The following LSAMP variants were observed in gnomAD, a reference collection of about 807,000 sequenced individuals.
The protein encoded by LSAMP is limbic system-associated membrane protein.
LSAMP carries 7 observed loss-of-function variants against 38.6 expected under a neutral mutation model. That is an observed-to-expected ratio of 0.18 (90% CI 0.10 to 0.34). LSAMP has a LOEUF of 0.34. Among genes scored for constraint, LSAMP ranks in the 10% least tolerant of loss-of-function variants. LSAMP has a pLI of 1.00. For synonymous variants in LSAMP, 154 were observed against 166.8 expected (o/e 0.92, Z 0.59); for missense variants, 313 against 420.0 (o/e 0.75, Z 2.23).
At chr3:116,306,421 C>T (rs1424636132) in intron 1 of LSAMP, among the ~76,000 whole-genome samples, 3 of 151,982 alleles carry the variant, frequency 2.0e-5, no homozygotes, top group Non-Finnish European at 4.4e-5. Flanking sequence ...ACATGTAACA[C>T]AATTCTTAGT....
At chr3:115,843,377 A>G (rs1935056816) in intron 4 of LSAMP, among the ~76,000 whole-genome samples, 1 of 152,188 alleles carries the variant, frequency 6.6e-6, no homozygotes, top group African/African-American at 2.4e-5. Context: ...AAACATTCAT[A>G]TGAGGATGGA....
At chr3:115,911,592 C>T (rs1937137290) in intron 3 of LSAMP, among the ~76,000 whole-genome samples, 1 of 152,180 alleles carries the variant, frequency 6.6e-6, no homozygotes, top group Admixed American at 6.5e-5. Context: ...AATCCATCCT[C>T]CTTGACCTCC....
chr3:116,355,118 ATATT>A (rs1361790699), intron 1 of LSAMP, among the ~76,000 whole-genome samples: 1 of 152,122 alleles, frequency 6.6e-6, no homozygotes, highest in Non-Finnish European at 1.5e-5. Context: ...CCATATATAT[ATATT>A]TGTTTTTCAC....
intron 3 of LSAMP, among the ~76,000 whole-genome samples, chr3:116,015,225 A>T (rs1940442348): frequency 1.3e-5 from 2 of 152,156 alleles, no homozygotes; most frequent in Admixed American, 6.6e-5. Flanking sequence ...TTTTTCAGTG[A>T]TAGAAAACTA....
At chr3:116,041,171 G>A (rs948710671) in intron 2 of LSAMP, among the ~76,000 whole-genome samples, 5 of 151,888 alleles carry the variant, frequency 3.3e-5, no homozygotes, top group African/African-American at 1.2e-4. Flanking sequence ...TAATCTTCCT[G>A]CTTCGGCCTC....
intron 1 of LSAMP, among the ~76,000 whole-genome samples, chr3:116,268,994 C>G (rs1378959419): frequency 6.6e-6 from 1 of 152,016 alleles, no homozygotes; most frequent in Middle Eastern, 3.2e-3. Flanking sequence ...GTAATTATTT[C>G]TCTGGCAGGG....
chr3:115,991,254 A>G (rs1939657924), intron 3 of LSAMP, among the ~76,000 whole-genome samples: 1 of 152,126 alleles, frequency 6.6e-6, no homozygotes, highest in African/African-American at 2.4e-5. Context: ...AACTCACAGT[A>G]TAGCAGTTTG....
intron 3 of LSAMP, among the ~76,000 whole-genome samples, chr3:116,016,185 T>A (rs1201649505): frequency 6.6e-6 from 1 of 151,988 alleles, no homozygotes; most frequent in Admixed American, 6.6e-5. Context: ...TTGAAAGAAA[T>A]TTTTAAAAAC....
At chr3:116,290,507 A>C (rs896783673) in intron 1 of LSAMP, among the ~76,000 whole-genome samples, 3 of 151,926 alleles carry the variant, frequency 2.0e-5, no homozygotes, top group African/African-American at 7.2e-5. Flanking sequence ...CGAGGCAGGC[A>C]GATCATGGGG....
chr3:116,419,851 T>C (rs2049098761), intron 1 of LSAMP, among the ~76,000 whole-genome samples: 2 of 152,238 alleles, frequency 1.3e-5, no homozygotes, highest in Non-Finnish European at 1.5e-5. Context: ...GAAAGTATTT[T>C]AGACATACAG....
intron 3 of LSAMP, among the ~76,000 whole-genome samples, chr3:116,009,933 T>G (rs757969560): frequency 4.6e-5 from 7 of 152,176 alleles, no homozygotes; most frequent in Non-Finnish European, 8.8e-5. Context: ...TGTTGTTGTT[T>G]TGAGATGGAG....
Position 116,274,599 on chromosome 3 carries a change from C to T in LSAMP, c.155+170278G>A, listed in dbSNP as rs981962710. 8.5e-5 allele frequency among the ~76,000 whole-genome samples: 13 copies of T among 152,210 alleles called. 1 individual carries two copies. Among genetic ancestry groups the T allele is most frequent in the Admixed American group, 7.8e-4 (12 of 15,294 alleles). On this transcript the variant is annotated intron_variant, in intron 1 of 6. Coordinates refer to ENST00000490035, the MANE Select transcript of LSAMP (RefSeq NM_002338.5). The stretch of plus-strand genomic sequence containing the variant: ...GGTGCTGAACTAAGATTTTTCTCAT[C>T]CCTCCACCTACTTAAAACTATGGTT...
intron 3 of LSAMP, among the ~76,000 whole-genome samples, chr3:115,931,966 T>G (rs1937587263): frequency 1.3e-5 from 2 of 152,124 alleles, no homozygotes; most frequent in South Asian, 2.1e-4. Context: ...AGCTGGGCGA[T>G]GTGGGGGATT....
intron 3 of LSAMP, among the ~76,000 whole-genome samples, chr3:115,887,320 T>C (rs1227476010): frequency 6.6e-6 from 1 of 151,904 alleles, no homozygotes; most frequent in Non-Finnish European, 1.5e-5. Context: ...GTCTATGTAT[T>C]TATGCATATG....
At chr3:115,810,735 G>C (rs1208689565) in intron 6 of LSAMP, among the ~76,000 whole-genome samples, 1 of 152,134 alleles carries the variant, frequency 6.6e-6, no homozygotes, top group African/African-American at 2.4e-5. Context: ...CCTCCTGTTG[G>C]CCCTGCCCGA....
At chr3:115,848,387 G>A (rs746107765) in intron 4 of LSAMP, among the ~76,000 whole-genome samples, 8 of 152,180 alleles carry the variant, frequency 5.3e-5, no homozygotes, top group East Asian at 1.9e-4. Flanking sequence ...TTGGGCCACC[G>A]CACTCCAGCC....
At chr3:116,149,929 A>G (rs758491718) in intron 1 of LSAMP, among the ~76,000 whole-genome samples, 8 of 152,074 alleles carry the variant, frequency 5.3e-5, no homozygotes, top group Non-Finnish European at 1.2e-4. Context: ...TTGAAATAGC[A>G]AATATCTTTC....
chr3:115,812,649 G>A (rs1242139904), intron 6 of LSAMP, among the ~76,000 whole-genome samples: 2 of 152,110 alleles, frequency 1.3e-5, no homozygotes, highest in African/African-American at 2.4e-5. Flanking sequence ...GTATTGATGA[G>A]GTTTTCAAAA....
intron 1 of LSAMP, among the ~76,000 whole-genome samples, chr3:116,178,119 G>GTT: frequency 6.6e-6 from 1 of 150,930 alleles, no homozygotes; most frequent in South Asian, 2.1e-4. Context: ...GTGTGTGTGT[G>GTT]TACATGTGTG....
Sources: allele counts gnomAD v4.1 joint callset (sites outside exome capture counted in the v4.1 genomes callset), GRCh38; gene constraint gnomAD v4.1.1; transcripts MANE v1.5; gene names NCBI Gene and HGNC (gene_info 2026-07-23, HGNC 2026-07-21).